SLC35A1: variants seen among roughly 807,000 people sequenced by gnomAD.
SLC35A1 encodes solute carrier family 35 member A1.
Under a neutral mutation model 40.3 loss-of-function variants are expected in SLC35A1, and 21 were observed. The observed-to-expected ratio is 0.52, with a 90% CI of 0.37 to 0.75. SLC35A1 has a LOEUF of 0.75. Among genes scored for constraint, SLC35A1 ranks in the 30% least tolerant of loss-of-function variants. The pLI, the probability that SLC35A1 is intolerant of heterozygous loss-of-function variation, is 0.00. For synonymous variants in SLC35A1, 146 were observed against 147.3 expected (o/e 0.99, Z 0.06); for missense variants, 297 against 382.1 (o/e 0.78, Z 1.86).
rs1306028773 is a variant in SLC35A1, at chr6:87,508,582, TC to T, written c.738del (p.Trp247GlyfsTer25). 6.2e-7 allele frequency: 1 copy of T among 1,612,484 alleles called. No homozygotes were observed. Among genetic ancestry groups the T allele is most frequent in the Non-Finnish European group, 8.5e-7 (1 of 1,179,382 alleles). On this transcript the variant is annotated frameshift_variant, in exon 6 of 8. Transcript: ENST00000369552. LOFTEE classifies it high-confidence loss of function. ...TTTTTCTATGGTTACACATATTATG[TC>T]TGGTTTGTCATCTGTAAGTATCCAG... ...KGFFYGYTYY[V>X]WFVIFLASVG... is the part of the protein sequence containing the mutation.
At chr6:87,505,105 C>T (rs1770037651) in intron 4 of SLC35A1, among the ~76,000 whole-genome samples, 1 of 152,150 alleles carries the variant, frequency 6.6e-6, no homozygotes, top group African/African-American at 2.4e-5. Context: ...GATCCAGGGT[C>T]CATACTTTGA....
intron 2 of SLC35A1, among the ~76,000 whole-genome samples, chr6:87,483,364 C>T (rs910506522): frequency 2.0e-5 from 3 of 151,990 alleles, no homozygotes; most frequent in Non-Finnish European, 4.4e-5. Flanking sequence ...TTCTTTCCCC[C>T]GAGAAGAAGC....
At chr6:87,476,180 TG>T (rs2127962191) in intron 1 of SLC35A1, among the ~76,000 whole-genome samples, 1 of 152,354 alleles carries the variant, frequency 6.6e-6, no homozygotes, top group South Asian at 2.1e-4. Flanking sequence ...AGTGTTTATA[TG>T]TTTCCTGCAT....
At chr6:87,499,440 T>C (rs73752031) in intron 2 of SLC35A1, among the ~76,000 whole-genome samples, 82 of 152,344 alleles carry the variant, frequency 5.4e-4, no homozygotes, top group Middle Eastern at 3.4e-3. Flanking sequence ...TTATAAAACA[T>C]TGCTTTATTT....
chr6:87,474,031 A>G (rs1768998205), intron 1 of SLC35A1, among the ~76,000 whole-genome samples: 1 of 152,258 alleles, frequency 6.6e-6, no homozygotes, highest in Admixed American at 6.5e-5. Context: ...TTTCATTTCA[A>G]ATAAGTCCAA....
At position 87,473,040 on chromosome 6, in the gene SLC35A1, G is replaced by T. The variant is rs182165900; in HGVS notation, c.16+21G>T. On this transcript the variant is annotated intron_variant, in intron 1 of 7. Coordinates refer to ENST00000369552, the MANE Select transcript of SLC35A1 (RefSeq NM_006416.5). ...GAGAGGTGAGAACTGGGTCTGCTGG[G>T]AGTGGGGAGTCCGCGGGGGGCGGCG... The T allele has an allele frequency of 2.7e-3, 1,547 of 573,672 alleles. 44 individuals are homozygous for T. The Admixed American group carries it at 0.05, about 18-fold the overall frequency. The allele number at this position is 573,672 out of a possible 1,614,324, so 35.5% of individuals were successfully genotyped here.
At chr6:87,494,236 T>C (rs1321036254) in intron 2 of SLC35A1, among the ~76,000 whole-genome samples, 1 of 152,184 alleles carries the variant, frequency 6.6e-6, no homozygotes. Flanking sequence ...TCCAGTCTTC[T>C]ACTCCAACAC....
chr6:87,500,882 G>A (rs1769901402), intron 3 of SLC35A1, among the ~76,000 whole-genome samples: 1 of 152,002 alleles, frequency 6.6e-6, no homozygotes, highest in South Asian at 2.1e-4. Flanking sequence ...CGCGTAGCTG[G>A]GACTATAGGC....
chr6:87,498,731 TTGCA>T (rs1769819168), intron 2 of SLC35A1, among the ~76,000 whole-genome samples: 1 of 151,922 alleles, frequency 6.6e-6, no homozygotes, highest in Non-Finnish European at 1.5e-5. Flanking sequence ...GATTGCACCA[TTGCA>T]CTCCAGGTTG....
chr6:87,503,447 C>G (rs765673982), intron 4 of SLC35A1, among the ~76,000 whole-genome samples: 7 of 152,104 alleles, frequency 4.6e-5, no homozygotes, highest in Non-Finnish European at 1.0e-4. Context: ...ATCCTCACTA[C>G]AGTTCTGTGT....
rs368012556 is a variant in SLC35A1 at position 87,492,202 on chromosome 6, C to T, written c.195-8306C>T. 1.2e-3 allele frequency among the ~76,000 whole-genome samples: 188 copies of T among 152,228 alleles called. 6 individuals are homozygous for T. The South Asian group carries it at 0.037, about 30-fold the overall frequency. The stretch of plus-strand genomic sequence containing the variant: ...TGATATAGTACTATTACCTAATTCA[C>T]GGACCTTATATAAATTTTTCCAATT... On this transcript the variant is annotated intron_variant, in intron 2 of 7. Transcript: ENST00000369552.
At chr6:87,483,056 T>C (rs1332974439) in intron 2 of SLC35A1, among the ~76,000 whole-genome samples, 1 of 152,160 alleles carries the variant, frequency 6.6e-6, no homozygotes, top group Non-Finnish European at 1.5e-5. Context: ...AAGGTGGTAT[T>C]GGAGTGTTAT....
chr6:87,478,405 T>C (rs1769137569), intron 2 of SLC35A1, among the ~76,000 whole-genome samples: 1 of 152,224 alleles, frequency 6.6e-6, no homozygotes, highest in Admixed American at 6.5e-5. Flanking sequence ...AGGGGAAAGA[T>C]TTATGAGATG....
intron 2 of SLC35A1, among the ~76,000 whole-genome samples, chr6:87,487,127 G>A (rs1769413223): frequency 6.6e-6 from 1 of 152,086 alleles, no homozygotes; most frequent in African/African-American, 2.4e-5. Flanking sequence ...AGTGAGCTGA[G>A]ATCACACCAC....
chr6:87,508,550 A>G lies in SLC35A1; in HGVS notation c.705A>G (p.Glu235=). 1 of 1,613,320 alleles carries G rather than the reference A, an allele frequency of 6.2e-7. No individual in the cohort carries two copies. The highest frequency in any genetic ancestry group is 8.5e-7 in the Non-Finnish European group (1 of 1,179,632). ...VYLSDGAEIK[E]KGFFYGYTYY... is the part of the protein sequence containing the mutation. ...TGTCAGATGGAGCTGAAATTAAAGA[A>G]AAAGGATTTTTCTATGGTTACACAT... The change falls in exon 6 of 8, where the codon GAA becomes GAG. Residue 235 remains glutamate, a synonymous_variant. Transcript: ENST00000369552.
chr6:87,509,028 C>G lies in SLC35A1; in HGVS notation c.752-13C>G. The G allele has an allele frequency of 2.5e-6, 4 of 1,613,618 alleles. No individual in the cohort carries two copies. Among genetic ancestry groups the G allele is most frequent in the Non-Finnish European group, 3.4e-6 (4 of 1,179,564 alleles). On this transcript the variant is annotated splice_polypyrimidine_tract_variant and intron_variant, in intron 6 of 7. Transcript: ENST00000369552. ...ATTTGAGTGATAAGATTTTATTTCT[C>G]TCTGTATACAAGTTCTTGCAAGTGT...
At chr6:87,487,852 A>G (rs10944313) in intron 2 of SLC35A1, among the ~76,000 whole-genome samples, 50,201 of 152,006 alleles carry the variant, frequency 0.33, 8,409 homozygotes, top group Admixed American at 0.41. Flanking sequence ...CACTCTGCAC[A>G]TGTCTGCCAA....
At chr6:87,499,353 A>G (rs546802571) in intron 2 of SLC35A1, among the ~76,000 whole-genome samples, 1 of 152,356 alleles carries the variant, frequency 6.6e-6, no homozygotes, top group Admixed American at 6.5e-5. Context: ...ACAAAGTATT[A>G]TGGTTTTCTT....
chr6:87,505,390 G>T (rs1485435833), intron 4 of SLC35A1, among the ~76,000 whole-genome samples: 2 of 152,150 alleles, frequency 1.3e-5, no homozygotes, highest in Non-Finnish European at 2.9e-5. Flanking sequence ...GAAACAGAGG[G>T]TTAGGACCCA....
Sources: gnomAD v4.1 joint callset for allele counts (sites outside exome capture counted in the v4.1 genomes callset) on GRCh38, gnomAD v4.1.1 for gene constraint, MANE v1.5 for transcripts, NCBI Gene and HGNC (gene_info 2026-07-23, HGNC 2026-07-21) for gene names.